The following TMEFF2 variants were observed in gnomAD, a reference collection of about 807,000 sequenced individuals.
TMEFF2 encodes the protein tomoregulin-2.
In TMEFF2, 28 loss-of-function variants were observed where a neutral mutation model predicts 53.8. That is an observed-to-expected ratio of 0.52 (90% confidence interval 0.39 to 0.71). The LOEUF is 0.71. TMEFF2 is among the 30% of genes least tolerant of loss of function. TMEFF2 has a pLI of 0.00. For missense variants in TMEFF2, 353 were observed against 455.2 expected (o/e 0.78, Z 2.04); for synonymous variants, 162 against 166.3 (o/e 0.97, Z 0.20).
chr2:192,185,954 G>A (rs1691301394), intron 2 of TMEFF2, among the ~76,000 whole-genome samples: 1 of 152,046 alleles, frequency 6.6e-6, no homozygotes, highest in Admixed American at 6.6e-5. Flanking sequence ...TGGTATGACA[G>A]TCATATTAAG....
At chr2:192,137,524 G>T (rs553141964) in intron 4 of TMEFF2, among the ~76,000 whole-genome samples, 1 of 152,180 alleles carries the variant, frequency 6.6e-6, no homozygotes, top group African/African-American at 2.4e-5. Context: ...CATCATTAGG[G>T]CTGTATTTTA....
At chr2:192,107,653 T>G (rs1305039553) in intron 4 of TMEFF2, among the ~76,000 whole-genome samples, 1 of 151,806 alleles carries the variant, frequency 6.6e-6, no homozygotes, top group Admixed American at 6.6e-5. Flanking sequence ...TTGGAAAATG[T>G]ATATGCATTC....
intron 5 of TMEFF2, among the ~76,000 whole-genome samples, chr2:192,023,044 T>C (rs1389127129): frequency 1.3e-5 from 2 of 152,170 alleles, no homozygotes; most frequent in East Asian, 3.8e-4. Context: ...GAATAAGTCC[T>C]GATTTACCTA....
At chr2:192,037,271 A>C (rs1271880110) in intron 5 of TMEFF2, 1 of 131,706 alleles carries the variant, frequency 7.6e-6, no homozygotes, top group Non-Finnish European at 1.6e-5. Context: ...GACTAGCCAA[A>C]ATAAAGAAAG....
chr2:192,119,277 G>A (rs1168570573), intron 4 of TMEFF2, among the ~76,000 whole-genome samples: 3 of 152,066 alleles, frequency 2.0e-5, no homozygotes, highest in Non-Finnish European at 4.4e-5. Flanking sequence ...AAATTCTTTG[G>A]GGAGTATATA....
chr2:191,995,956 G>T (rs1686211927), intron 7 of TMEFF2, among the ~76,000 whole-genome samples: 1 of 151,824 alleles, frequency 6.6e-6, no homozygotes, highest in Admixed American at 6.6e-5. Context: ...AGTGACAGAA[G>T]AGTTTTCATT....
rs115429053 is a variant in TMEFF2, at chr2:192,023,405, T to C, written c.537-24197A>G. Among the ~76,000 whole-genome samples the C allele has an allele frequency of 4.2e-4, 64 of 152,348 alleles. 1 individual carries two copies. Among genetic ancestry groups the C allele is most frequent in the African/African-American group, 1.5e-3 (62 of 41,586 alleles). Reference sequence around the variant, plus strand: ...CCTAATTATACGCTAGGAACTGTAATTTCTGCCTGAGTTTTGAGAGAGAGG... The same window carrying C: ...CCTAATTATACGCTAGGAACTGTAACTTCTGCCTGAGTTTTGAGAGAGAGG... On this transcript the variant is annotated intron_variant, in intron 5 of 9. Transcript: ENST00000272771.
chr2:192,124,723 C>T (rs1047939464), intron 4 of TMEFF2, among the ~76,000 whole-genome samples: 22 of 152,100 alleles, frequency 1.4e-4, no homozygotes, highest in Admixed American at 1.4e-3. Flanking sequence ...CTGGCTGACA[C>T]CTGGCAAATG....
chr2:191,964,787 A>G (rs1692423358), intron 7 of TMEFF2, among the ~76,000 whole-genome samples: 1 of 152,046 alleles, frequency 6.6e-6, no homozygotes, highest in South Asian at 2.1e-4. Flanking sequence ...ATTATGACCA[A>G]TGTTACCAAC....
intron 7 of TMEFF2, among the ~76,000 whole-genome samples, chr2:191,961,172 T>A (rs1032880227): frequency 1.3e-5 from 2 of 152,200 alleles, no homozygotes; most frequent in Non-Finnish European, 2.9e-5. Context: ...TTTGACTGTG[T>A]CTATAATTCA....
At chr2:192,050,714 C>T (rs1379613241) in intron 5 of TMEFF2, among the ~76,000 whole-genome samples, 3 of 152,150 alleles carry the variant, frequency 2.0e-5, no homozygotes, top group Non-Finnish European at 4.4e-5. Context: ...TCGTACAGAC[C>T]ATGTCAGAAT....
chr2:192,016,748 A>G (rs1231856674), intron 5 of TMEFF2, among the ~76,000 whole-genome samples: 1 of 152,260 alleles, frequency 6.6e-6, no homozygotes, highest in East Asian at 1.9e-4. Flanking sequence ...CAAATATTAC[A>G]TCTTCCAATT....
intron 4 of TMEFF2, among the ~76,000 whole-genome samples, chr2:192,113,914 A>C (rs1689340220): frequency 6.6e-6 from 1 of 152,118 alleles, no homozygotes; most frequent in Non-Finnish European, 1.5e-5. Flanking sequence ...CATTGCTAAC[A>C]GTAGCACAGG....
At chr2:191,959,464 C>G (rs1344920456) in intron 7 of TMEFF2, among the ~76,000 whole-genome samples, 1 of 152,168 alleles carries the variant, frequency 6.6e-6, no homozygotes, top group Non-Finnish European at 1.5e-5. Context: ...TGTTTCTACC[C>G]TGGTGCTTGC....
chr2:192,142,916 C>A (rs140945965), intron 4 of TMEFF2, among the ~76,000 whole-genome samples: 125 of 152,266 alleles, frequency 8.2e-4, no homozygotes, highest in African/African-American at 3.0e-3. Flanking sequence ...TATAAAAGAT[C>A]CCAAACTAGT....
At chr2:192,189,555 C>CAAAAAAAAACAAAAAAAAAAA (rs1691408704) in intron 2 of TMEFF2, among the ~76,000 whole-genome samples, 1 of 41,102 alleles carries the variant, frequency 2.4e-5, no homozygotes. Context: ...CCAAAAATTC[C>CAAAAAAAAACAAAAAAAAAAA]AAAAAAAAAA....
chr2:192,170,035 T>C (rs1302892496), intron 4 of TMEFF2, among the ~76,000 whole-genome samples: 1 of 152,138 alleles, frequency 6.6e-6, no homozygotes, highest in Non-Finnish European at 1.5e-5. Context: ...TGTTTCTCTT[T>C]AATTATATTT....
At chr2:192,066,946 A>G (rs1688181338) in intron 4 of TMEFF2, among the ~76,000 whole-genome samples, 1 of 151,850 alleles carries the variant, frequency 6.6e-6, no homozygotes, top group Non-Finnish European at 1.5e-5. Flanking sequence ...TCCTTATTTA[A>G]TTCCTGAAAG....
At chr2:192,141,601 C>A (rs936886864) in intron 4 of TMEFF2, among the ~76,000 whole-genome samples, 1 of 151,638 alleles carries the variant, frequency 6.6e-6, no homozygotes, top group Non-Finnish European at 1.5e-5. Flanking sequence ...CTAAGAGAAA[C>A]CCTGAACAGA....
Sources: gnomAD v4.1 joint callset for allele counts (sites outside exome capture counted in the v4.1 genomes callset) on GRCh38, gnomAD v4.1.1 for gene constraint, MANE v1.5 for transcripts, NCBI Gene and HGNC (gene_info 2026-07-23, HGNC 2026-07-21) for gene names.